The following EPM2A variants were observed in gnomAD, a reference collection of about 807,000 sequenced individuals.
The protein encoded by EPM2A is laforin.
EPM2A carries 21 observed loss-of-function variants against 26.5 expected under a neutral mutation model. That is an observed-to-expected ratio of 0.79 (90% confidence interval 0.56 to 1.14). EPM2A has a LOEUF of 1.14. Among genes scored for constraint, EPM2A ranks in the 50% most tolerant of loss-of-function variants. EPM2A has a pLI of 0.00. For synonymous variants in EPM2A, 217 were observed against 177.6 expected (o/e 1.22, Z -1.76); for missense variants, 458 against 440.8 (o/e 1.04, Z -0.35).
intron 1 of EPM2A, chr6:145,705,838 T>C: frequency 2.2e-6 from 1 of 456,202 alleles, no homozygotes; most frequent in South Asian, 1.5e-5. Context: ...AATCTTCCCC[T>C]GGGGAGAGGA....
At chr6:145,703,282 G>A (rs558509325) in intron 1 of EPM2A, among the ~76,000 whole-genome samples, 4 of 151,898 alleles carry the variant, frequency 2.6e-5, no homozygotes, top group African/African-American at 9.7e-5. Context: ...CAGGAGAGAC[G>A]GGGTTTTGCC....
intron 2 of EPM2A, among the ~76,000 whole-genome samples, chr6:145,582,162 T>A (rs1781123385): frequency 7.0e-6 from 1 of 142,302 alleles, no homozygotes; most frequent in African/African-American, 2.7e-5. Flanking sequence ...TAGATTCAAA[T>A]TTTTTTTTAT....
At chr6:145,520,018 C>A (rs989133571) in intron 2 of EPM2A, among the ~76,000 whole-genome samples, 1 of 152,064 alleles carries the variant, frequency 6.6e-6, no homozygotes, top group Non-Finnish European at 1.5e-5. Flanking sequence ...AAATACTGTC[C>A]ATCCTTTAAG....
chr6:145,711,151 T>C (rs1775297460), intron 1 of EPM2A, among the ~76,000 whole-genome samples: 1 of 152,076 alleles, frequency 6.6e-6, no homozygotes, highest in Admixed American at 6.6e-5. Context: ...GGGATTGAAA[T>C]ATTTCAACTG....
intron 2 of EPM2A, among the ~76,000 whole-genome samples, chr6:145,548,827 C>T (rs188029868): frequency 8.5e-5 from 13 of 152,204 alleles, no homozygotes; most frequent in Middle Eastern, 3.4e-3. Context: ...CTAATACATA[C>T]GTCTGCACTT....
At chr6:145,478,228 TG>T (rs1779565578) in intron 4 of EPM2A, among the ~76,000 whole-genome samples, 1 of 151,624 alleles carries the variant, frequency 6.6e-6, no homozygotes, top group South Asian at 2.1e-4. Flanking sequence ...AAGAAGTGAA[TG>T]ATCTCTATAA....
chr6:145,440,306 G>A (rs143120334), intron 4 of EPM2A, among the ~76,000 whole-genome samples: 2,341 of 152,176 alleles, frequency 0.015, 28 homozygotes, highest in Middle Eastern at 0.044. Context: ...AGAACAGTAT[G>A]GGGGAAACTG....
chr6:145,599,406 G>T, intron 2 of EPM2A, among the ~76,000 whole-genome samples: 1 of 148,958 alleles, frequency 6.7e-6, no homozygotes, highest in African/African-American at 2.5e-5. Flanking sequence ...CTTTATTATT[G>T]TCCTTCTTTA....
chr6:145,595,310 A>G (rs1399059749), intron 2 of EPM2A, among the ~76,000 whole-genome samples: 1 of 151,938 alleles, frequency 6.6e-6, no homozygotes, highest in Non-Finnish European at 1.5e-5. Flanking sequence ...GAACAATGAA[A>G]ATGATCATGG....
chr6:145,735,409 C>G lies in EPM2A; in HGVS notation c.90G>C (p.Gly30=). ...GGACGGCACCGCGCGGCTCCCAACG[C>G]CCCAGCTCGGGCCGCGACCCCACCA... ...LLVVGSRPEL[G]RWEPRGAVRL... The change falls in exon 1 of 4, where the codon GGG becomes GGC. Residue 30 remains glycine, a synonymous_variant. Transcript: ENST00000367519. 1 of 1,249,550 alleles carries G rather than the reference C, an allele frequency of 8.0e-7. No individual in the cohort carries two copies. The highest frequency in any genetic ancestry group is 2.7e-5 in the South Asian group (1 of 37,714). The allele number at this position is 1,249,550 out of a possible 1,614,324, so 77.4% of individuals were successfully genotyped here.
At chr6:145,510,702 CAAAAA>C (rs965793162) in intron 2 of EPM2A, among the ~76,000 whole-genome samples, 1 of 151,518 alleles carries the variant, frequency 6.6e-6, no homozygotes, top group African/African-American at 2.4e-5. Context: ...CAAAAACAAA[CAAAAA>C]AATAAAACCA....
chr6:145,456,790 AT>A (rs1779267556), intron 4 of EPM2A, among the ~76,000 whole-genome samples: 1 of 152,150 alleles, frequency 6.6e-6, no homozygotes, highest in South Asian at 2.1e-4. Context: ...AAATATTTTT[AT>A]TTTTCCACTA....
At chr6:145,646,682 T>A (rs1292336) in intron 2 of EPM2A, among the ~76,000 whole-genome samples, 2 of 151,594 alleles carry the variant, frequency 1.3e-5, no homozygotes, top group African/African-American at 2.4e-5. Flanking sequence ...CTCCTAGATA[T>A]CTCACTGACA....
At chr6:145,390,357 C>T (rs1778321157) in intron 4 of EPM2A, among the ~76,000 whole-genome samples, 1 of 151,958 alleles carries the variant, frequency 6.6e-6, no homozygotes, top group Non-Finnish European at 1.5e-5. Context: ...ACAGAAACAT[C>T]CGGAATAATG....
At chr6:145,569,212 C>T (rs1780923619) in intron 2 of EPM2A, among the ~76,000 whole-genome samples, 1 of 152,108 alleles carries the variant, frequency 6.6e-6, no homozygotes, top group African/African-American at 2.4e-5. Flanking sequence ...TATCAAAAGC[C>T]CTTGTTAAGC....
chr6:145,706,930 G>T (rs1048178440), intron 1 of EPM2A, among the ~76,000 whole-genome samples: 39 of 152,122 alleles, frequency 2.6e-4, no homozygotes, highest in African/African-American at 9.2e-4. Context: ...AGTCATGAGG[G>T]CTCCACCCTC....
At chr6:145,603,228 T>C (rs974225220) in intron 2 of EPM2A, among the ~76,000 whole-genome samples, 8 of 152,008 alleles carry the variant, frequency 5.3e-5, no homozygotes, top group African/African-American at 1.9e-4. Flanking sequence ...TATGAAATTC[T>C]TTTTTCTGCA....
At chr6:145,642,090 T>C (rs1777129869) in intron 2 of EPM2A, among the ~76,000 whole-genome samples, 4 of 152,134 alleles carry the variant, frequency 2.6e-5, no homozygotes. Flanking sequence ...ATTATAATTG[T>C]AAATAAGGCA....
In EPM2A at chr6:145,700,555, C is replaced by CA. The variant is rs200233279; in HGVS notation, c.302-14260dup. On this transcript the variant is annotated intron_variant, in intron 1 of 3. Coordinates refer to ENST00000367519, the MANE Select transcript of EPM2A (RefSeq NM_005670.4). ...TCGTATACCTTAAAGCCCACACACACAAAAAAAAACCTATCTTTGTGCACT... is the reference window on the plus strand; with the variant it reads ...TCGTATACCTTAAAGCCCACACACACAAAAAAAAAACCTATCTTTGTGCACT... Among the ~76,000 whole-genome samples, 526 of 150,950 alleles carry CA rather than the reference C, an allele frequency of 3.5e-3. 1 individual carries two copies. The highest frequency in any genetic ancestry group is 0.011 in the African/African-American group (473 of 41,244).
Sources: gnomAD v4.1 joint callset for allele counts (sites outside exome capture counted in the v4.1 genomes callset) on GRCh38, gnomAD v4.1.1 for gene constraint, MANE v1.5 for transcripts, NCBI Gene and HGNC (gene_info 2026-07-23, HGNC 2026-07-21) for gene names.